Variants in KLHL29 observed in about 807,000 individuals in gnomAD.
KLHL29 encodes kelch like family member 29.
A neutral mutation model predicts 80.4 loss-of-function variants in KLHL29; 21 were observed. The observed-to-expected ratio is 0.26, with a 90% CI of 0.19 to 0.38. The LOEUF (loss-of-function observed/expected upper bound fraction) is 0.38. Among genes scored for constraint, KLHL29 ranks in the 10% least tolerant of loss-of-function variants. KLHL29 has a pLI of 1.00. For missense variants in KLHL29, 867 were observed against 1,223.9 expected, an observed-to-expected ratio of 0.71 and a Z score of 4.35; for synonymous variants, 511 against 526.8, an observed-to-expected ratio of 0.97 and a Z score of 0.41.
intron 2 of KLHL29, among the ~76,000 whole-genome samples, chr2:23,554,312 C>T (rs1258955314): frequency 6.6e-6 from 1 of 152,198 alleles, no homozygotes; most frequent in African/African-American, 2.4e-5. Context: ...CAGACTGTTC[C>T]AATCGACTTG....
chr2:23,566,651 G>C (rs1467065020), intron 3 of KLHL29, among the ~76,000 whole-genome samples: 1 of 152,228 alleles, frequency 6.6e-6, no homozygotes, highest in Non-Finnish European at 1.5e-5. Context: ...AAGCTTTTGA[G>C]TCTGACAGCA....
rs1472259826 is a variant in KLHL29, at chr2:23,503,507, T to C, written c.-46+27840T>C. 1.3e-5 allele frequency among the ~76,000 whole-genome samples: 2 copies of C among 151,972 alleles called. No homozygotes were observed. Among genetic ancestry groups the C allele is most frequent in the Non-Finnish European group, 2.9e-5 (2 of 67,982 alleles). On this transcript the variant is annotated intron_variant, in intron 2 of 13. Coordinates refer to ENST00000486442, the MANE Select transcript of KLHL29 (RefSeq NM_052920.2). This position sits in a 1 kb window ranked among gnomAD's most constrained non-coding sequence, Gnocchi z 4.0. Reference sequence around the variant, plus strand: ...ACAGACGAGGCCATAGAAGTTAGTGTTGTCCTAGGGATGGCTCCTGGTTCA... The same window carrying C: ...ACAGACGAGGCCATAGAAGTTAGTGCTGTCCTAGGGATGGCTCCTGGTTCA...
intron 2 of KLHL29, among the ~76,000 whole-genome samples, chr2:23,498,582 A>AC (rs1665338657): frequency 1.3e-5 from 2 of 152,306 alleles, no homozygotes; most frequent in Middle Eastern, 3.4e-3. Flanking sequence ...TCCTGCCCTG[A>AC]CCAACACCCA....
intron 2 of KLHL29, among the ~76,000 whole-genome samples, chr2:23,529,260 C>T (rs921254146): frequency 3.3e-5 from 5 of 152,166 alleles, no homozygotes; most frequent in African/African-American, 1.2e-4. Flanking sequence ...CAGATGCACA[C>T]CACCACACCT....
At chr2:23,632,798 C>T (rs1669503621) in intron 3 of KLHL29, among the ~76,000 whole-genome samples, 1 of 152,240 alleles carries the variant, frequency 6.6e-6, no homozygotes, top group South Asian at 2.1e-4. Flanking sequence ...CCCAAATCCC[C>T]ATTCCTCTGC....
chr2:23,526,091 G>C (rs906610989), intron 2 of KLHL29, among the ~76,000 whole-genome samples: 1 of 152,240 alleles, frequency 6.6e-6, no homozygotes, highest in African/African-American at 2.4e-5. Context: ...AAAGGGAAAA[G>C]CAGGTTAGGA....
chr2:23,501,045 T>C (rs918754992), intron 2 of KLHL29, among the ~76,000 whole-genome samples: 1 of 152,114 alleles, frequency 6.6e-6, no homozygotes, highest in African/African-American at 2.4e-5. Context: ...AGCAGCTTGA[T>C]TAGCTGAAAT....
chr2:23,530,077 C>A (rs1055924288), intron 2 of KLHL29, among the ~76,000 whole-genome samples: 4 of 152,124 alleles, frequency 2.6e-5, no homozygotes, highest in African/African-American at 9.7e-5. Context: ...GTTGCTATTA[C>A]CCCCATTTAA....
intron 5 of KLHL29, among the ~76,000 whole-genome samples, chr2:23,661,508 C>G (rs1670408086): frequency 6.6e-6 from 1 of 152,228 alleles, no homozygotes. Flanking sequence ...AGGCCCCTGC[C>G]CTGCTGAGCT....
chr2:23,517,544 C>CAATA lies in KLHL29; in HGVS notation c.-46+41890_-46+41893dup, dbSNP rs1043324070. Reference sequence around the variant, plus strand: ...CTGCCGACAGAGCGAGACTCCGTCTCAATAAATAAATAAATAGAACCTAAC... The same window carrying CAATA: ...CTGCCGACAGAGCGAGACTCCGTCTCAATAAATAAATAAATAAATAGAACCTAAC... On this transcript the variant is annotated intron_variant, in intron 2 of 13. Transcript: ENST00000486442. 3.0e-4 allele frequency among the ~76,000 whole-genome samples: 46 copies of CAATA among 152,350 alleles called. No individual in the cohort carries two copies. The South Asian group carries it at 8.9e-3, about 29-fold the overall frequency.
rs1668407458 is a variant in KLHL29 at position 23,596,929 on chromosome 2, G to T, written c.285+34448G>T. Among the ~76,000 whole-genome samples the T allele has an allele frequency of 6.6e-6, 1 of 152,150 alleles. No individual in the cohort carries two copies. The highest frequency in any genetic ancestry group is 2.4e-5 in the African/African-American group (1 of 41,424). On this transcript the variant is annotated intron_variant, in intron 3 of 13. Transcript: ENST00000486442. The surrounding 1 kb of genome is among the most constrained non-coding windows in gnomAD (Gnocchi z 4.4). ...GCCAGATAGGTGCCTGGGGATACAG[G>T]AAAGCTCAGGGCTGCGTTTAGAATC...
intron 1 of KLHL29, among the ~76,000 whole-genome samples, chr2:23,415,346 GGAAA>G (rs1666958165): frequency 1.3e-5 from 2 of 152,218 alleles, no homozygotes; most frequent in African/African-American, 4.8e-5. Context: ...TGCCCAGGAA[GGAAA>G]GGTGTTTCTT....
intron 6 of KLHL29, among the ~76,000 whole-genome samples, chr2:23,687,799 G>A (rs533646352): frequency 1.3e-5 from 2 of 152,194 alleles, no homozygotes; most frequent in East Asian, 1.9e-4. Flanking sequence ...GTTGCTGCAG[G>A]GCCGGGTATG....
intron 1 of KLHL29, among the ~76,000 whole-genome samples, chr2:23,399,978 C>G (rs1022336309): frequency 3.9e-5 from 6 of 152,218 alleles, no homozygotes; most frequent in African/African-American, 1.4e-4. Flanking sequence ...ATTGAGATGG[C>G]ACTGTGGTTT....
intron 3 of KLHL29, among the ~76,000 whole-genome samples, chr2:23,575,449 G>A (rs1189229675): frequency 6.6e-6 from 1 of 152,186 alleles, no homozygotes; most frequent in African/African-American, 2.4e-5. Flanking sequence ...TGTCCTTGGG[G>A]TTGCTGCCAG....
intron 3 of KLHL29, among the ~76,000 whole-genome samples, chr2:23,638,041 T>C (rs1473303505): frequency 7.1e-6 from 1 of 140,892 alleles, no homozygotes; most frequent in African/African-American, 2.7e-5. Context: ...CTTGCCAGCA[T>C]GTATCCAGGA....
At chr2:23,512,508 G>A (rs1486281855) in intron 2 of KLHL29, among the ~76,000 whole-genome samples, 1 of 152,100 alleles carries the variant, frequency 6.6e-6, no homozygotes, top group Non-Finnish European at 1.5e-5. Flanking sequence ...CAAGGATTAA[G>A]CTAATTATAA....
intron 2 of KLHL29, chr2:23,532,462 AGCACCCAGGGCG>A (rs1459699833): frequency 2.4e-6 from 1 of 420,920 alleles, no homozygotes; most frequent in South Asian, 1.8e-5. Context: ...CACCCAGGGC[AGCACCCAGGGCG>A]GCACCCAGGC....
chr2:23,545,968 G>C (rs147741686), intron 2 of KLHL29, among the ~76,000 whole-genome samples: 1 of 152,204 alleles, frequency 6.6e-6, no homozygotes, highest in South Asian at 2.1e-4. Context: ...TCTGTGTGCC[G>C]CTGCAGGGCC....
Sources: gnomAD v4.1 joint callset for allele counts (sites outside exome capture counted in the v4.1 genomes callset) on GRCh38, gnomAD v4.1.1 for gene constraint, Gnocchi (gnomAD v3.1) non-coding constraint, MANE v1.5 for transcripts, NCBI Gene and HGNC (gene_info 2026-07-23, HGNC 2026-07-21) for gene names.